The following PLCXD3 variants were observed in gnomAD, a reference collection of about 807,000 sequenced individuals.
PLCXD3 encodes phosphatidylinositol specific phospholipase C X domain containing 3.
PLCXD3 carries 19 observed loss-of-function variants against 25.5 expected under a neutral mutation model. The ratio of observed to expected loss-of-function variants is 0.75; its 90% CI spans 0.52 to 1.09. The LOEUF (loss-of-function observed/expected upper bound fraction) is 1.09, where lower values mean the gene tolerates loss of function less well. Among genes scored for constraint, PLCXD3 ranks in the 50% least tolerant of loss-of-function variants. PLCXD3 has a pLI of 0.00. For missense variants in PLCXD3, 411 were observed against 388.1 expected (o/e 1.06, Z -0.50); for synonymous variants, 174 against 137.6 (o/e 1.26, Z -1.85).
intron 2 of PLCXD3, among the ~76,000 whole-genome samples, chr5:41,347,296 A>T (rs1290660807): frequency 7.2e-5 from 11 of 152,230 alleles, no homozygotes; most frequent in African/African-American, 1.2e-4. Context: ...AGAAAAAATT[A>T]GAAAAAAATT....
intron 1 of PLCXD3, among the ~76,000 whole-genome samples, chr5:41,409,500 C>G (rs1038451155): frequency 3.3e-5 from 5 of 152,210 alleles, no homozygotes; most frequent in African/African-American, 1.2e-4. Context: ...AACCTCGTAT[C>G]TAAAGTATCT....
chr5:41,379,851 AG>A (rs1186918766), intron 2 of PLCXD3, among the ~76,000 whole-genome samples: 1 of 152,200 alleles, frequency 6.6e-6, no homozygotes, highest in African/African-American at 2.4e-5. Context: ...AGTAGTAGAA[AG>A]GGACCTACCA....
intron 1 of PLCXD3, among the ~76,000 whole-genome samples, chr5:41,432,501 G>A (rs756673046): frequency 6.6e-6 from 1 of 152,128 alleles, no homozygotes; most frequent in Non-Finnish European, 1.5e-5. Flanking sequence ...ATTTGATAGG[G>A]TCTTAAAACG....
intron 1 of PLCXD3, among the ~76,000 whole-genome samples, chr5:41,390,502 G>A (rs1448166466): frequency 6.6e-6 from 1 of 152,084 alleles, no homozygotes; most frequent in East Asian, 1.9e-4. Flanking sequence ...TACTCCACAT[G>A]GTACCAATGC....
intron 1 of PLCXD3, among the ~76,000 whole-genome samples, chr5:41,418,549 A>G (rs1303453563): frequency 6.6e-6 from 1 of 152,234 alleles, no homozygotes; most frequent in Middle Eastern, 3.2e-3. Flanking sequence ...TTTATTTAAT[A>G]TTTAACATTT....
intron 1 of PLCXD3, among the ~76,000 whole-genome samples, chr5:41,483,261 A>T (rs933448079): frequency 3.9e-5 from 6 of 152,180 alleles, no homozygotes; most frequent in Admixed American, 2.0e-4. Flanking sequence ...AACAAAATTT[A>T]AAAAAATCCC....
intron 1 of PLCXD3, among the ~76,000 whole-genome samples, chr5:41,474,059 C>A (rs571965639): frequency 2.0e-5 from 3 of 152,150 alleles, no homozygotes; most frequent in Non-Finnish European, 4.4e-5. Context: ...TTGAGACCAT[C>A]GTTACGAGAC....
chr5:41,340,430 T>C (rs1193579229), intron 2 of PLCXD3, among the ~76,000 whole-genome samples: 1 of 152,192 alleles, frequency 6.6e-6, no homozygotes, highest in Non-Finnish European at 1.5e-5. Flanking sequence ...TTCTCTGCCC[T>C]AGACCAGAAG....
At chr5:41,438,364 T>C (rs1747303490) in intron 1 of PLCXD3, among the ~76,000 whole-genome samples, 1 of 152,136 alleles carries the variant, frequency 6.6e-6, no homozygotes, top group Non-Finnish European at 1.5e-5. Flanking sequence ...AAGCCTAAAA[T>C]AGCCTGAAGT....
At position 41,510,522 on chromosome 5, in the gene PLCXD3, G is replaced by C; in HGVS notation, c.5C>G (p.Ala2Gly). The change falls in exon 1 of 3, where the codon GCC (alanine) becomes GGC (glycine). Residue 2 changes from alanine to glycine, a missense_variant. Ala to Gly is a moderately conservative substitution (Grantham distance 60). Coordinates refer to ENST00000377801, the MANE Select transcript of PLCXD3 (RefSeq NM_001005473.3). ...CAGCTCGTTTTTCCCCTGAGACGAG[G>C]CCATCGTGCCAGTCGGCGTGCAGCG... The part of the protein sequence containing the change: M[A>G]SSQGKNELKL... The C allele has an allele frequency of 6.2e-7, 1 of 1,612,674 alleles. No individual in the cohort carries two copies. The highest frequency in any genetic ancestry group is 8.5e-7 in the Non-Finnish European group (1 of 1,179,154).
chr5:41,316,172 C>T (rs1487218839), intron 2 of PLCXD3, among the ~76,000 whole-genome samples: 27 of 152,158 alleles, frequency 1.8e-4, no homozygotes, highest in Admixed American at 1.8e-3. Context: ...CCAGCTCAGC[C>T]ACAGCAGGAT....
rs1367195703 is a variant in PLCXD3, at chr5:41,366,089, C to A, written c.812+15737G>T. Reference sequence around the variant, plus strand: ...GCATATCTCCTAATGCTATCCCTCCCCACTCTCCCAGCCCCACGACAGGCC... The same window carrying A: ...GCATATCTCCTAATGCTATCCCTCCACACTCTCCCAGCCCCACGACAGGCC... On this transcript the variant is annotated intron_variant, in intron 2 of 2. Transcript: ENST00000377801. Among the ~76,000 whole-genome samples the A allele has an allele frequency of 2.0e-5, 3 of 152,166 alleles. No individual in the cohort carries two copies. The East Asian group carries it at 5.8e-4, about 29-fold the overall frequency.
chr5:41,388,211 C>T (rs1745699225), intron 1 of PLCXD3, among the ~76,000 whole-genome samples: 1 of 151,900 alleles, frequency 6.6e-6, no homozygotes, highest in African/African-American at 2.4e-5. Flanking sequence ...CAAATAAAAC[C>T]TTATACCAAA....
intron 1 of PLCXD3, among the ~76,000 whole-genome samples, chr5:41,443,108 T>C (rs942569851): frequency 3.4e-5 from 5 of 149,210 alleles, no homozygotes; most frequent in Non-Finnish European, 7.4e-5. Context: ...TATATAATTA[T>C]ATATGTATAT....
chr5:41,438,384 C>A (rs1008296543), intron 1 of PLCXD3, among the ~76,000 whole-genome samples: 1 of 152,108 alleles, frequency 6.6e-6, no homozygotes, highest in African/African-American at 2.4e-5. Context: ...TCTGAAAAAC[C>A]GGACTGCTGG....
rs1425482012 is a variant in PLCXD3, at chr5:41,381,813, TAA to T, written c.812+11_812+12del. The T allele has an allele frequency of 2.5e-6, 4 of 1,581,452 alleles. No homozygotes were observed. Among genetic ancestry groups the T allele is most frequent in the Non-Finnish European group, 3.4e-6 (4 of 1,165,304 alleles). ...TATTTGAGGTTTCCCCCTGACATTT[TAA>T]AGACACTTACCTTTCTGTGATTGTT... On this transcript the variant is annotated intron_variant, in intron 2 of 2. Coordinates refer to ENST00000377801, the MANE Select transcript of PLCXD3 (RefSeq NM_001005473.3).
intron 2 of PLCXD3, 38 bp from the exon 3 acceptor site, chr5:41,313,808 A>G: frequency 6.5e-7 from 1 of 1,532,026 alleles, no homozygotes; most frequent in Non-Finnish European, 8.8e-7. Flanking sequence ...ACAGAAGGCA[A>G]GATACTATTT....
rs184836293 is a variant in PLCXD3, at chr5:41,329,331, A to T, written c.813-15561T>A. On this transcript the variant is annotated intron_variant, in intron 2 of 2. Coordinates refer to ENST00000377801, the MANE Select transcript of PLCXD3 (RefSeq NM_001005473.3). ...CGTTTGATCAATGTCTGTCTCCCCA[A>T]CTAGACTGTAAGCTCTTTGAGGGCT... 4.0e-4 allele frequency among the ~76,000 whole-genome samples: 61 copies of T among 152,276 alleles called. 1 individual carries two copies. In the East Asian group the frequency reaches 0.01, roughly 26 times the overall value.
chr5:41,446,991 T>A (rs1747519101), intron 1 of PLCXD3, among the ~76,000 whole-genome samples: 1 of 152,268 alleles, frequency 6.6e-6, no homozygotes, highest in African/African-American at 2.4e-5. Flanking sequence ...CTGCAAAGGC[T>A]ATTAATGTTC....
Sources: allele counts gnomAD v4.1 joint callset (sites outside exome capture counted in the v4.1 genomes callset), GRCh38; gene constraint gnomAD v4.1.1; transcripts MANE v1.5; gene names NCBI Gene and HGNC (gene_info 2026-07-23, HGNC 2026-07-21).